ZNF385D: variants seen among roughly 807,000 people sequenced by gnomAD.
ZNF385D encodes zinc finger protein 659.
In ZNF385D, 15 loss-of-function variants were observed where a neutral mutation model predicts 35.8. That is an observed-to-expected ratio of 0.42 (90% CI 0.28 to 0.64). The LOEUF (loss-of-function observed/expected upper bound fraction) is 0.64. ZNF385D is among the 30% of genes least tolerant of loss of function. The pLI, the probability that ZNF385D is intolerant of heterozygous loss-of-function variation, is 0.23. For missense variants in ZNF385D, 474 were observed against 494.6 expected (o/e 0.96, Z 0.39); for synonymous variants, 212 against 186.8 (o/e 1.13, Z -1.10).
chr3:22,117,798 T>A (rs1317467854), intron 3 of ZNF385D, among the ~76,000 whole-genome samples: 1 of 152,060 alleles, frequency 6.6e-6, no homozygotes, highest in Non-Finnish European at 1.5e-5. Context: ...ATATTCACTT[T>A]TCTATATTAC....
chr3:22,099,633 C>T (rs1012768649), intron 3 of ZNF385D, among the ~76,000 whole-genome samples: 9 of 151,922 alleles, frequency 5.9e-5, no homozygotes, highest in African/African-American at 2.2e-4. Flanking sequence ...CCCTTGTGTG[C>T]CCACAGAGAA....
intron 2 of ZNF385D, among the ~76,000 whole-genome samples, chr3:22,244,768 A>G (rs1425026438): frequency 6.6e-6 from 1 of 150,990 alleles, no homozygotes; most frequent in Non-Finnish European, 1.5e-5. Context: ...AGTATCAGCG[A>G]GCTCTAAAAT....
At chr3:22,043,289 C>A (rs1442184406) in intron 3 of ZNF385D, among the ~76,000 whole-genome samples, 3 of 152,088 alleles carry the variant, frequency 2.0e-5, no homozygotes, top group Non-Finnish European at 4.4e-5. Context: ...GGTTCAAACA[C>A]CGTCAAAGAT....
chr3:22,139,357 A>C (rs1704350989), intron 3 of ZNF385D, among the ~76,000 whole-genome samples: 1 of 152,208 alleles, frequency 6.6e-6, no homozygotes, highest in Admixed American at 6.5e-5. Flanking sequence ...AAAGACTTGG[A>C]ACCAACCCAA....
At chr3:21,677,201 T>C (rs903873457) in intron 1 of ZNF385D, among the ~76,000 whole-genome samples, 1 of 152,032 alleles carries the variant, frequency 6.6e-6, no homozygotes, top group African/African-American at 2.4e-5. Context: ...TAATGAGCAT[T>C]AAAGGCTAAA....
intron 3 of ZNF385D, among the ~76,000 whole-genome samples, chr3:21,826,247 T>C (rs1694615930): frequency 6.6e-6 from 1 of 152,158 alleles, no homozygotes. Context: ...AATTAGAATA[T>C]GGGAGAGGGG....
At chr3:22,060,331 A>G (rs1271857830) in intron 3 of ZNF385D, among the ~76,000 whole-genome samples, 2 of 152,188 alleles carry the variant, frequency 1.3e-5, no homozygotes, top group African/African-American at 4.8e-5. Context: ...TCTGACTAAC[A>G]CAGTGCTCAA....
chr3:21,674,185 A>G (rs186830765), intron 1 of ZNF385D, among the ~76,000 whole-genome samples: 2 of 152,216 alleles, frequency 1.3e-5, no homozygotes, highest in East Asian at 3.9e-4. Flanking sequence ...GTAAGATGGT[A>G]ATGTCTGATA....
intron 2 of ZNF385D, among the ~76,000 whole-genome samples, chr3:22,214,417 A>T (rs967598115): frequency 2.0e-5 from 3 of 152,128 alleles, no homozygotes; most frequent in Non-Finnish European, 4.4e-5. Flanking sequence ...TTGAAAAAAG[A>T]ACAGGATAAC....
chr3:21,971,680 T>TA (rs542462535), intron 3 of ZNF385D, among the ~76,000 whole-genome samples: 125 of 129,328 alleles, frequency 9.7e-4, no homozygotes, highest in East Asian at 3.7e-3. Flanking sequence ...GCTGAATGAA[T>TA]AAAAAAAAAA....
chr3:21,991,254 A>C lies in ZNF385D; in HGVS notation c.325+177563T>G, dbSNP rs570131593. Among the ~76,000 whole-genome samples, 10 of 152,284 alleles carry C rather than the reference A, an allele frequency of 6.6e-5. No individual in the cohort carries two copies. The South Asian group carries it at 2.1e-3, about 32-fold the overall frequency. On this transcript the variant is annotated intron_variant, in intron 3 of 5. Transcript: ENST00000494108. ...GATGGAAAGCAGTTGTACTTCTGGC[A>C]AAGATCGTTTCATGTTTCTAAGGGA...
At chr3:22,349,096 C>G (rs1395426471) in intron 2 of ZNF385D, among the ~76,000 whole-genome samples, 1 of 152,188 alleles carries the variant, frequency 6.6e-6, no homozygotes, top group African/African-American at 2.4e-5. Context: ...AACTCCATGT[C>G]TCCTTCTCTA....
intron 3 of ZNF385D, among the ~76,000 whole-genome samples, chr3:22,050,083 G>A (rs995130765): frequency 1.3e-5 from 2 of 151,978 alleles, no homozygotes; most frequent in African/African-American, 4.8e-5. Flanking sequence ...AAATGTTTTG[G>A]GGCTGGGTGC....
At chr3:22,319,253 C>CA (rs1230022905) in intron 2 of ZNF385D, among the ~76,000 whole-genome samples, 2 of 151,958 alleles carry the variant, frequency 1.3e-5, no homozygotes, top group African/African-American at 4.8e-5. Flanking sequence ...TTAACTGGAA[C>CA]ATTTGAAGTA....
At chr3:22,308,535 G>A (rs1703360098) in intron 2 of ZNF385D, among the ~76,000 whole-genome samples, 2 of 151,952 alleles carry the variant, frequency 1.3e-5, no homozygotes, top group South Asian at 4.1e-4. Context: ...AGAAAACTTA[G>A]TGATGGAAAA....
intron 3 of ZNF385D, among the ~76,000 whole-genome samples, chr3:22,085,507 C>T (rs1700983501): frequency 6.6e-6 from 1 of 151,972 alleles, no homozygotes; most frequent in Non-Finnish European, 1.5e-5. Context: ...ACACATACAC[C>T]CTCCCAAGAC....
chr3:21,883,600 T>A (rs933574356), intron 3 of ZNF385D, among the ~76,000 whole-genome samples: 3 of 152,022 alleles, frequency 2.0e-5, no homozygotes, highest in African/African-American at 7.2e-5. Context: ...TTCCTGAAGC[T>A]TGGAATGACA....
chr3:21,747,907 G>A (rs565522865), intron 1 of ZNF385D, among the ~76,000 whole-genome samples: 15 of 152,252 alleles, frequency 9.9e-5, no homozygotes, highest in Admixed American at 5.9e-4. Context: ...AAACATTGAT[G>A]GGGGTGGGAG....
At chr3:21,606,206 A>C (rs2064477635) in intron 2 of ZNF385D, among the ~76,000 whole-genome samples, 1 of 152,064 alleles carries the variant, frequency 6.6e-6, no homozygotes, top group Non-Finnish European at 1.5e-5. Flanking sequence ...AGCCTGTCCC[A>C]CACAGCCCTT....
Sources: gnomAD v4.1 joint callset for allele counts (sites outside exome capture counted in the v4.1 genomes callset) on GRCh38, gnomAD v4.1.1 for gene constraint, MANE v1.5 for transcripts, NCBI Gene and HGNC (gene_info 2026-07-23, HGNC 2026-07-21) for gene names.